The following OSBPL8 variants were observed in gnomAD, a reference collection of about 807,000 sequenced individuals.
OSBPL8 encodes the protein oxysterol binding protein like 8, also known as oxysterol-binding protein-related protein 8.
A neutral mutation model predicts 125.5 loss-of-function variants in OSBPL8; 59 were observed. The observed-to-expected ratio is 0.47, with a 90% CI of 0.38 to 0.58. The LOEUF (loss-of-function observed/expected upper bound fraction) is 0.58, where lower values mean the gene tolerates loss of function less well. OSBPL8 is among the 20% of genes least tolerant of loss of function. The pLI is 0.00. For missense variants in OSBPL8, 758 were observed against 1,047.8 expected (o/e 0.72, Z 3.82); for synonymous variants, 330 against 338.9 (o/e 0.97, Z 0.29).
At chr12:76,434,291 G>A (rs979182494) in intron 4 of OSBPL8, among the ~76,000 whole-genome samples, 1 of 152,052 alleles carries the variant, frequency 6.6e-6, no homozygotes, top group Non-Finnish European at 1.5e-5. Flanking sequence ...TGGACAAACT[G>A]GATACCCACA....
chr12:76,549,581 T>C (rs1244477124), intron 1 of OSBPL8, among the ~76,000 whole-genome samples: 1 of 152,142 alleles, frequency 6.6e-6, no homozygotes, highest in Non-Finnish European at 1.5e-5. Flanking sequence ...CAGCTAATTT[T>C]TAGTAGAGAC....
At chr12:76,499,820 T>G (rs1184672168) in intron 1 of OSBPL8, among the ~76,000 whole-genome samples, 6 of 151,402 alleles carry the variant, frequency 4.0e-5, no homozygotes, top group Non-Finnish European at 7.4e-5. Flanking sequence ...ACCACTGCAC[T>G]CCAGCCTGGG....
chr12:76,526,633 CTCTTTTT>C (rs1565971261), intron 1 of OSBPL8, among the ~76,000 whole-genome samples: 8 of 106,596 alleles, frequency 7.5e-5, no homozygotes, highest in African/African-American at 2.8e-4. Flanking sequence ...ATCAGTAAAT[CTCTTTTT>C]TTTTTTTTTT....
chr12:76,462,383 T>C (rs1417896843), intron 2 of OSBPL8, among the ~76,000 whole-genome samples: 1 of 152,218 alleles, frequency 6.6e-6, no homozygotes, highest in Admixed American at 6.5e-5. Flanking sequence ...GTCTGTGTCA[T>C]ACAAATCTGA....
intron 2 of OSBPL8, among the ~76,000 whole-genome samples, chr12:76,483,660 CTTTTTTTTT>C (rs869202382): frequency 7.3e-3 from 417 of 57,370 alleles, no homozygotes; most frequent in African/African-American, 0.026. Flanking sequence ...CTGTAATAGT[CTTTTTTTTT>C]TTTTTTTTTT....
chr12:76,538,234 AT>A (rs1198255331), intron 1 of OSBPL8, among the ~76,000 whole-genome samples: 6 of 152,214 alleles, frequency 3.9e-5, no homozygotes, highest in Non-Finnish European at 7.3e-5. Flanking sequence ...ACACATAAAA[AT>A]TTGATGTGTT....
rs756628103 is a variant in OSBPL8 at position 76,386,198 on chromosome 12, T to G, written c.1503A>C (p.Thr501=). The G allele has an allele frequency of 3.1e-6, 5 of 1,612,394 alleles. No homozygotes were observed. In the South Asian group the frequency reaches 5.5e-5, roughly 18 times the overall value. Residue 501 remains threonine, a synonymous_variant, in exon 14 of 24, where the codon ACA becomes ACC. Transcript: ENST00000261183. The part of the protein sequence containing the change: ...TFRCLWIHPR[T]NSKTFYIAEQ... ...CAGCAATATAAAAAGTTTTGCTGTT[T>G]GTTCTGGGATGAATCCATAAACAAC...
At chr12:76,482,510 G>A (rs1877622339) in intron 2 of OSBPL8, among the ~76,000 whole-genome samples, 1 of 152,148 alleles carries the variant, frequency 6.6e-6, no homozygotes, top group Admixed American at 6.5e-5. Flanking sequence ...CTACTTGGGA[G>A]GCTGGGGCAG....
At chr12:76,451,114 A>T in intron 3 of OSBPL8, 126 bp from the exon 4 acceptor site, 1 of 979,198 alleles carries the variant, frequency 1.0e-6, no homozygotes, top group Non-Finnish European at 1.4e-6. Context: ...TACCAACTCA[A>T]TACTTTAATA....
At chr12:76,410,895 A>C (rs567058413) in intron 4 of OSBPL8, among the ~76,000 whole-genome samples, 1 of 152,310 alleles carries the variant, frequency 6.6e-6, no homozygotes, top group Admixed American at 6.5e-5. Flanking sequence ...GCATAAATTC[A>C]GCGCTTATAG....
chr12:76,518,426 A>G (rs1407553619), intron 1 of OSBPL8, among the ~76,000 whole-genome samples: 1 of 152,182 alleles, frequency 6.6e-6, no homozygotes, highest in East Asian at 1.9e-4. Context: ...GAGTGCCTGC[A>G]GCTTTTCCAG....
intron 1 of OSBPL8, among the ~76,000 whole-genome samples, chr12:76,499,248 G>A (rs1335100298): frequency 1.3e-5 from 2 of 152,074 alleles, no homozygotes; most frequent in African/African-American, 2.4e-5. Context: ...TTGCTCCTCA[G>A]CCTGCAGACA....
At chr12:76,379,939 T>C (rs1483550194) in intron 15 of OSBPL8, among the ~76,000 whole-genome samples, 3 of 152,214 alleles carry the variant, frequency 2.0e-5, no homozygotes, top group African/African-American at 7.2e-5. Context: ...TTCTCCCATG[T>C]CAAAAAACAT....
At chr12:76,417,405 G>GTT (rs1437838675) in intron 4 of OSBPL8, among the ~76,000 whole-genome samples, 1 of 152,058 alleles carries the variant, frequency 6.6e-6, no homozygotes, top group Non-Finnish European at 1.5e-5. Flanking sequence ...AGAATTTGTG[G>GTT]TTAGTATCTT....
intron 18 of OSBPL8, among the ~76,000 whole-genome samples, chr12:76,372,311 T>C (rs1045770474): frequency 6.6e-6 from 1 of 152,114 alleles, no homozygotes; most frequent in African/African-American, 2.4e-5. Flanking sequence ...GCTCAAGCAA[T>C]CTTCCTGCCT....
chr12:76,444,461 T>TG (rs1258477345), intron 4 of OSBPL8, among the ~76,000 whole-genome samples: 1 of 152,180 alleles, frequency 6.6e-6, no homozygotes, highest in Non-Finnish European at 1.5e-5. Context: ...GAGAAGTATT[T>TG]GGATAAGCAA....
intron 1 of OSBPL8, among the ~76,000 whole-genome samples, chr12:76,546,174 G>A (rs143738223): frequency 0.011 from 1,717 of 152,194 alleles, 34 homozygotes; most frequent in African/African-American, 0.039. Flanking sequence ...TATATTTTCT[G>A]CATAATCAAA....
At chr12:76,534,351 C>T (rs1220787784) in intron 1 of OSBPL8, 2 of 152,126 alleles carry the variant, frequency 1.3e-5, no homozygotes, top group East Asian at 3.9e-4. Context: ...ATTTCATTTC[C>T]TGTCAAGTAT....
chr12:76,485,155 T>C (rs1176461871), intron 2 of OSBPL8, among the ~76,000 whole-genome samples: 1 of 151,978 alleles, frequency 6.6e-6, no homozygotes, highest in African/African-American at 2.4e-5. Context: ...GCTCCTGACC[T>C]CAGGTGATCC....
Sources: gnomAD v4.1 joint callset for allele counts (sites outside exome capture counted in the v4.1 genomes callset) on GRCh38, gnomAD v4.1.1 for gene constraint, MANE v1.5 for transcripts, NCBI Gene and HGNC (gene_info 2026-07-23, HGNC 2026-07-21) for gene names.